Variants in PTPRD observed in about 807,000 individuals in gnomAD.
The protein encoded by PTPRD is protein tyrosine phosphatase receptor type D.
In PTPRD, 34 loss-of-function variants were observed where a neutral mutation model predicts 214.5. That is an observed-to-expected ratio of 0.16 (90% confidence interval 0.12 to 0.21). The LOEUF (loss-of-function observed/expected upper bound fraction) is 0.21. Ranked by LOEUF, PTPRD falls within the 10% of genes least tolerant of loss-of-function variation. The probability of loss-of-function intolerance (pLI) is 1.00; values close to 1 mark genes in which losing one functional copy is unlikely to be tolerated. For synonymous variants in PTPRD, 1,128 were observed against 845.7 expected (o/e 1.33, Z -5.79); for missense variants, 2,545 against 2,398.7 (o/e 1.06, Z -1.27).
At chr9:9,664,943 T>G (rs754643553) in intron 7 of PTPRD, among the ~76,000 whole-genome samples, 29 of 151,818 alleles carry the variant, frequency 1.9e-4, no homozygotes, top group Admixed American at 6.6e-4. Flanking sequence ...TATTTTAAAA[T>G]ATAATTTATT....
At chr9:8,339,284 T>C (rs146415145) in intron 42 of PTPRD, among the ~76,000 whole-genome samples, 282 of 152,258 alleles carry the variant, frequency 1.9e-3, no homozygotes, top group Non-Finnish European at 3.4e-3. Flanking sequence ...TGGCAGATAG[T>C]AGCTGCTTAA....
In PTPRD at chr9:10,278,846, C is replaced by T. The variant is rs538783848; in HGVS notation, c.-545+62117G>A. 4.5e-4 allele frequency among the ~76,000 whole-genome samples: 68 copies of T among 152,092 alleles called. No individual in the cohort carries two copies. In the South Asian group the frequency reaches 9.1e-3, roughly 20 times the overall value. ...CTGGAGTGCAGTAGCGCGATCTCGG[C>T]TCACTGCAAGCTCCGTCTCCTTGGT... is the stretch of plus-strand genomic sequence containing the variant. On this transcript the variant is annotated intron_variant, in intron 3 of 45. Coordinates refer to ENST00000381196, the MANE Select transcript of PTPRD (RefSeq NM_002839.4).
chr9:9,568,702 T>A (rs1348805747), intron 8 of PTPRD, among the ~76,000 whole-genome samples: 1 of 151,952 alleles, frequency 6.6e-6, no homozygotes, highest in African/African-American at 2.4e-5. Context: ...CTTCATCTAC[T>A]AATTATAACT....
chr9:10,098,137 T>A, intron 3 of PTPRD, among the ~76,000 whole-genome samples: 1 of 151,776 alleles, frequency 6.6e-6, no homozygotes, highest in Non-Finnish European at 1.5e-5. Context: ...ATGTGGCATA[T>A]ATACACCATG....
At chr9:9,966,557 A>C (rs184287167) in intron 4 of PTPRD, among the ~76,000 whole-genome samples, 3 of 152,142 alleles carry the variant, frequency 2.0e-5, no homozygotes, top group African/African-American at 7.2e-5. Context: ...AAAGATTACA[A>C]ATCATTTTAA....
intron 12 of PTPRD, among the ~76,000 whole-genome samples, chr9:8,691,169 T>C (rs1297737247): frequency 6.6e-6 from 1 of 152,140 alleles, no homozygotes; most frequent in Non-Finnish European, 1.5e-5. Context: ...CCATGGCCAC[T>C]GTTCTAAAAT....
chr9:8,721,406 G>C (rs368743100), intron 12 of PTPRD, among the ~76,000 whole-genome samples: 3 of 145,290 alleles, frequency 2.1e-5, no homozygotes, highest in East Asian at 2.0e-4. Context: ...CTCCAGTCTG[G>C]ACGACTGAGT....
intron 2 of PTPRD, among the ~76,000 whole-genome samples, chr9:10,448,525 A>T (rs2098815209): frequency 6.6e-6 from 1 of 152,014 alleles, no homozygotes; most frequent in South Asian, 2.1e-4. Context: ...TATAATAGGA[A>T]GTGGGTAAAG....
chr9:8,735,810 G>A (rs1354309604), intron 11 of PTPRD, among the ~76,000 whole-genome samples: 5 of 151,514 alleles, frequency 3.3e-5, no homozygotes, highest in Admixed American at 6.6e-5. Flanking sequence ...TACTCGGGAC[G>A]CTGAGGCAGG....
At chr9:10,439,316 A>G (rs2098743454) in intron 2 of PTPRD, among the ~76,000 whole-genome samples, 1 of 151,856 alleles carries the variant, frequency 6.6e-6, no homozygotes, top group Non-Finnish European at 1.5e-5. Context: ...AGTCTAGAGC[A>G]ATGCTGGCAA....
Position 9,897,158 on chromosome 9 carries a change from ACACCG to A in PTPRD, c.-368+41344_-368+41348del, listed in dbSNP as rs1289592966. Among the ~76,000 whole-genome samples, 7 of 132,620 alleles carry A rather than the reference ACACCG, an allele frequency of 5.3e-5. No homozygotes were observed. In the South Asian group the frequency reaches 1.2e-3, roughly 23 times the overall value. The allele number at this position is 132,620 out of a possible 152,430, so 87.0% of individuals were successfully genotyped here. On this transcript the variant is annotated intron_variant, in intron 5 of 45. Coordinates refer to ENST00000381196, the MANE Select transcript of PTPRD (RefSeq NM_002839.4). ...CACACACACACACACACACACACAC[ACACCG>A]CTGCTAAACACCCCCTGGGGGTTGG...
chr9:9,140,167 G>A (rs1439387308), intron 10 of PTPRD, among the ~76,000 whole-genome samples: 1 of 150,730 alleles, frequency 6.6e-6, no homozygotes, highest in Non-Finnish European at 1.5e-5. Flanking sequence ...ATAGGAGTTG[G>A]GTCACTATGT....
chr9:10,417,419 C>G (rs2098502271), intron 2 of PTPRD, among the ~76,000 whole-genome samples: 1 of 151,708 alleles, frequency 6.6e-6, no homozygotes, highest in East Asian at 2.0e-4. Context: ...TTGCCTGGCC[C>G]CCTAACTCTG....
chr9:10,273,021 T>A (rs889412930), intron 3 of PTPRD, among the ~76,000 whole-genome samples: 1 of 152,156 alleles, frequency 6.6e-6, no homozygotes, highest in Non-Finnish European at 1.5e-5. Flanking sequence ...ACAGGAAAAA[T>A]TGGCTTTTCC....
At chr9:10,332,928 T>C (rs1188827348) in intron 3 of PTPRD, among the ~76,000 whole-genome samples, 1 of 151,866 alleles carries the variant, frequency 6.6e-6, no homozygotes, top group Non-Finnish European at 1.5e-5. Flanking sequence ...TAACATACAA[T>C]TGTAATATTT....
intron 5 of PTPRD, among the ~76,000 whole-genome samples, chr9:9,937,285 C>T (rs1384193208): frequency 6.6e-6 from 1 of 151,020 alleles, no homozygotes; most frequent in Non-Finnish European, 1.5e-5. Context: ...TCTCTTTTAT[C>T]TTTTTTCTCT....
intron 14 of PTPRD, among the ~76,000 whole-genome samples, chr9:8,550,147 T>G (rs909089874): frequency 1.3e-5 from 2 of 152,172 alleles, no homozygotes; most frequent in African/African-American, 4.8e-5. Context: ...ATTTATATTA[T>G]TAGGAAAACA....
At chr9:10,558,907 CTT>C (rs2063217113) in intron 2 of PTPRD, among the ~76,000 whole-genome samples, 1 of 152,116 alleles carries the variant, frequency 6.6e-6, no homozygotes, top group Non-Finnish European at 1.5e-5. Context: ...TTTCACACAT[CTT>C]GTTAGGAATT....
chr9:10,054,342 A>C (rs952383152), intron 3 of PTPRD, among the ~76,000 whole-genome samples: 2 of 152,176 alleles, frequency 1.3e-5, no homozygotes, highest in African/African-American at 4.8e-5. Flanking sequence ...TGAGGACTAC[A>C]TAATCTATAA....
Sources: allele counts gnomAD v4.1 joint callset (sites outside exome capture counted in the v4.1 genomes callset), GRCh38; gene constraint gnomAD v4.1.1; transcripts MANE v1.5; gene names NCBI Gene and HGNC (gene_info 2026-07-23, HGNC 2026-07-21).